NTNG1: variants seen among roughly 807,000 people sequenced by gnomAD.
NTNG1 encodes the protein netrin G1.
In NTNG1, 16 loss-of-function variants were observed where a neutral mutation model predicts 54.0. That is an observed-to-expected ratio of 0.30 (90% CI 0.20 to 0.45). The LOEUF is 0.45. Ranked by LOEUF, NTNG1 falls within the 20% of genes least tolerant of loss-of-function variation. The probability of loss-of-function intolerance (pLI) is 1.00; values close to 1 mark genes in which losing one functional copy is unlikely to be tolerated. For synonymous variants in NTNG1, 255 were observed against 263.1 expected (o/e 0.97, Z 0.30); for missense variants, 530 against 678.7 (o/e 0.78, Z 2.43).
rs1199356343 is a variant in NTNG1 at position 107,305,497 on chromosome 1, G to A, written c.247-18785G>A. 2.0e-5 allele frequency among the ~76,000 whole-genome samples: 3 copies of A among 152,162 alleles called. No homozygotes were observed. In the East Asian group the frequency reaches 5.8e-4, roughly 29 times the overall value. On this transcript the variant is annotated intron_variant, in intron 2 of 7. Coordinates refer to ENST00000370068, the MANE Select transcript of NTNG1 (RefSeq NM_001113226.3). ...TTTCTCTAATGACCAGTGATGATTA[G>A]CTTTTTTTTCATATGTTTGTTGGCC...
Position 107,324,777 on chromosome 1 carries a change from G to C in NTNG1, c.742G>C (p.Asp248His). Residue 248 changes from aspartate to histidine, a missense_variant, in exon 3 of 8, where the codon GAT (aspartate) becomes CAT (histidine). Physicochemically the swap from Asp to His is moderately conservative, Grantham distance 81. This residue lies in a region of NTNG1 where 318 missense variants were observed against 465.1 expected (regional missense o/e 0.68). Transcript: ENST00000370068. The stretch of plus-strand genomic sequence containing the variant: ...TATGGCTTCCCTCTACGGACAGCTG[G>C]ATACAACCAAGAAACTCAGAGATTT... The part of the protein sequence containing the change: ...RNMASLYGQL[D>H]TTKKLRDFFT... The C allele has an allele frequency of 6.2e-7, 1 of 1,613,568 alleles. No homozygotes were observed. The highest frequency in any genetic ancestry group is 8.5e-7 in the Non-Finnish European group (1 of 1,179,760).
chr1:107,184,296 C>T (rs4325158), intron 2 of NTNG1, among the ~76,000 whole-genome samples: 3,479 of 152,158 alleles, frequency 0.023, 124 homozygotes, highest in African/African-American at 0.08. Context: ...GGCAAGCATT[C>T]CTGTTCAAAA....
intron 2 of NTNG1, among the ~76,000 whole-genome samples, chr1:107,212,526 G>A (rs1659664644): frequency 6.6e-6 from 1 of 152,148 alleles, no homozygotes; most frequent in South Asian, 2.1e-4. Flanking sequence ...TATATGAACA[G>A]TAATGTCAAG....
intron 5 of NTNG1, among the ~76,000 whole-genome samples, chr1:107,412,618 G>A (rs938832206): frequency 5.9e-5 from 9 of 152,064 alleles, no homozygotes; most frequent in African/African-American, 2.2e-4. Flanking sequence ...TTCTATGCAG[G>A]GAACTGTAGA....
intron 3 of NTNG1, among the ~76,000 whole-genome samples, chr1:107,329,394 C>T (rs1668145815): frequency 6.6e-6 from 1 of 152,164 alleles, no homozygotes; most frequent in African/African-American, 2.4e-5. Flanking sequence ...TTTATATTTG[C>T]TGTAATTAGA....
At chr1:107,200,512 G>A (rs1295346225) in intron 2 of NTNG1, among the ~76,000 whole-genome samples, 1 of 151,428 alleles carries the variant, frequency 6.6e-6, no homozygotes, top group Non-Finnish European at 1.5e-5. Context: ...GGGAACATGT[G>A]TCCAGGGGAA....
intron 7 of NTNG1, among the ~76,000 whole-genome samples, chr1:107,477,825 TA>T (rs2101608682): frequency 1.3e-5 from 2 of 152,302 alleles, no homozygotes; most frequent in East Asian, 3.9e-4. Flanking sequence ...GTTACAACCA[TA>T]AAATATAGCA....
At chr1:107,249,864 T>C (rs192652784) in intron 2 of NTNG1, among the ~76,000 whole-genome samples, 2 of 152,348 alleles carry the variant, frequency 1.3e-5, no homozygotes, top group African/African-American at 4.8e-5. Flanking sequence ...TTTTCTATTG[T>C]ATTTTTCTGC....
At chr1:107,464,318 G>A (rs1398706696) in intron 7 of NTNG1, among the ~76,000 whole-genome samples, 1 of 152,182 alleles carries the variant, frequency 6.6e-6, no homozygotes, top group African/African-American at 2.4e-5. Flanking sequence ...CACATCGTTA[G>A]CACAAAAGAA....
intron 7 of NTNG1, among the ~76,000 whole-genome samples, chr1:107,473,740 T>C (rs114417618): frequency 1.2e-3 from 184 of 152,368 alleles, no homozygotes; most frequent in African/African-American, 1.7e-3. Flanking sequence ...TGTAAACTCA[T>C]GGCAATTGTG....
At chr1:107,333,748 T>C (rs549226434) in intron 3 of NTNG1, among the ~76,000 whole-genome samples, 1 of 151,914 alleles carries the variant, frequency 6.6e-6, no homozygotes, top group East Asian at 1.9e-4. Flanking sequence ...TCATCCTTCC[T>C]ATATTACTGC....
intron 3 of NTNG1, among the ~76,000 whole-genome samples, chr1:107,379,451 A>G (rs946523919): frequency 6.6e-6 from 1 of 152,198 alleles, no homozygotes; most frequent in Non-Finnish European, 1.5e-5. Flanking sequence ...TGTCCAAACT[A>G]CACAATTCAT....
intron 2 of NTNG1, among the ~76,000 whole-genome samples, chr1:107,232,520 A>G (rs939734649): frequency 2.0e-5 from 3 of 152,158 alleles, no homozygotes; most frequent in Non-Finnish European, 4.4e-5. Flanking sequence ...TGAAAATATA[A>G]TCTCCTTTTA....
intron 2 of NTNG1, among the ~76,000 whole-genome samples, chr1:107,259,392 C>CAGTGTTAGGAAGTGTTGGTGA (rs1663147958): frequency 6.6e-6 from 1 of 152,030 alleles, no homozygotes; most frequent in South Asian, 2.1e-4. Flanking sequence ...GAAAGGATCA[C>CAGTGTTAGGAAGTGTTGGTGA]CAGTGTTAGG....
At chr1:107,433,963 G>C (rs1205065256) in intron 6 of NTNG1, among the ~76,000 whole-genome samples, 1 of 152,104 alleles carries the variant, frequency 6.6e-6, no homozygotes, top group Non-Finnish European at 1.5e-5. Flanking sequence ...AATTCGAAAG[G>C]ATACATCACA....
chr1:107,195,524 C>G lies in NTNG1; in HGVS notation c.246+46685C>G, dbSNP rs10430092. 5.1e-4 allele frequency among the ~76,000 whole-genome samples: 78 copies of G among 151,972 alleles called. No homozygotes were observed. In the East Asian group the frequency reaches 0.014, roughly 27 times the overall value. ...GGTTCTCATTTCACATGGGTAAAAG[C>G]CAAAGTCCTCACTATGTCCCACAAG... On this transcript the variant is annotated intron_variant, in intron 2 of 7. Coordinates refer to ENST00000370068, the MANE Select transcript of NTNG1 (RefSeq NM_001113226.3).
At chr1:107,182,724 T>C (rs982471380) in intron 2 of NTNG1, among the ~76,000 whole-genome samples, 1 of 152,078 alleles carries the variant, frequency 6.6e-6, no homozygotes, top group African/African-American at 2.4e-5. Context: ...ACACATTCAA[T>C]TGGGACCACT....
At chr1:107,428,031 T>G (rs548903001) in intron 5 of NTNG1, among the ~76,000 whole-genome samples, 6 of 152,194 alleles carry the variant, frequency 3.9e-5, no homozygotes, top group Admixed American at 1.3e-4. Flanking sequence ...TCAGATAAAG[T>G]TTTATCAGGT....
At chr1:107,227,310 T>C (rs1317462386) in intron 2 of NTNG1, among the ~76,000 whole-genome samples, 1 of 152,122 alleles carries the variant, frequency 6.6e-6, no homozygotes, top group Non-Finnish European at 1.5e-5. Context: ...GCACCCAGGA[T>C]ACAGTGCAGA....
Sources: gnomAD v4.1 joint callset for allele counts (sites outside exome capture counted in the v4.1 genomes callset) on GRCh38, gnomAD v4.1.1 for gene constraint, gnomAD v4.1.1 regional missense constraint, MANE v1.5 for transcripts, NCBI Gene and HGNC (gene_info 2026-07-23, HGNC 2026-07-21) for gene names.